The following NIPA1 variants were observed in gnomAD, a reference collection of about 807,000 sequenced individuals.
NIPA1 encodes magnesium transporter NIPA1.
A neutral mutation model predicts 23.9 loss-of-function variants in NIPA1; 13 were observed. The observed-to-expected ratio is 0.54, with a 90% confidence interval of 0.35 to 0.87. The LOEUF is 0.87. Ranked by LOEUF, NIPA1 falls within the 40% of genes least tolerant of loss-of-function variation. The pLI is 0.01. For missense variants in NIPA1, 362 were observed against 429.7 expected (o/e 0.84, Z 1.39); for synonymous variants, 234 against 202.9 (o/e 1.15, Z -1.30).
Position 22,797,583 on chromosome 15 carries a change from G to A in NIPA1, c.178+10749G>A, listed in dbSNP as rs1179700581. Among the ~76,000 whole-genome samples the A allele has an allele frequency of 2.2e-5, 3 of 133,554 alleles. No homozygotes were observed. The East Asian group carries it at 7.0e-4, about 31-fold the overall frequency. 87.6% of individuals were successfully genotyped at this position (133,554 alleles called of 152,430 possible). A position where few individuals can be genotyped will look rare whatever the true frequency, so the allele number is the denominator to read the frequency against. Reference sequence around the variant, plus strand: ...TGCAATGGTGCAATCTCGGCACACTGCAACTTCCACCTCCCGTTCAAGCAG... The same window carrying A: ...TGCAATGGTGCAATCTCGGCACACTACAACTTCCACCTCCCGTTCAAGCAG... On this transcript the variant is annotated intron_variant, in intron 1 of 4. Transcript: ENST00000337435.
At chr15:22,790,095 A>C (rs1894796981) in intron 1 of NIPA1, among the ~76,000 whole-genome samples, 1 of 151,734 alleles carries the variant, frequency 6.6e-6, no homozygotes, top group Non-Finnish European at 1.5e-5. Flanking sequence ...TGCCCTGTCA[A>C]AAGTTTATTT....
rs558450330 is a variant in NIPA1 at position 22,800,843 on chromosome 15, A to G, written c.179-9906A>G. ...CTACTTGGGAGGCTGAGGCAGGAGA[A>G]TGGCGTGAACCCGGGAGGTGGAGCT... is the stretch of plus-strand genomic sequence containing the variant. On this transcript the variant is annotated intron_variant, in intron 1 of 4. Transcript: ENST00000337435. 6.6e-5 allele frequency among the ~76,000 whole-genome samples: 10 copies of G among 151,720 alleles called. 1 individual carries two copies. Among genetic ancestry groups the G allele is most frequent in the Admixed American group, 6.6e-4 (10 of 15,218 alleles).
Position 22,810,926 on chromosome 15 carries a change from A to G in NIPA1, c.226+130A>G, listed in dbSNP as rs999772936. On this transcript the variant is annotated intron_variant, in intron 2 of 4. Transcript: ENST00000337435. ...AGAGGGTGTCGCGTGGCCTCTCCCC[A>G]GGCCCTAAGCGTGCCTTTCAGTTCG... is the stretch of plus-strand genomic sequence containing the variant. 3 of 779,682 alleles carry G rather than the reference A, an allele frequency of 3.8e-6. No individual in the cohort carries two copies. The African/African-American group carries it at 5.1e-5, about 13-fold the overall frequency. 48.3% of individuals were successfully genotyped at this position (779,682 alleles called of 1,614,324 possible).
chr15:22,797,213 TG>T (rs1182280818), intron 1 of NIPA1, among the ~76,000 whole-genome samples: 3 of 81,680 alleles, frequency 3.7e-5, no homozygotes, highest in African/African-American at 1.1e-4. Context: ...CTAATATATT[TG>T]GGTTTTTTTT....
intron 3 of NIPA1, among the ~76,000 whole-genome samples, chr15:22,816,218 CTCACTCTG>C (rs1895414508): frequency 9.0e-6 from 1 of 110,902 alleles, no homozygotes; most frequent in Non-Finnish European, 1.7e-5. Flanking sequence ...GAGACAGAGT[CTCACTCTG>C]TCACCAGGCT....
intron 3 of NIPA1, chr15:22,813,805 CAT>C (rs1207511253): frequency 1.1e-4 from 44 of 412,956 alleles, no homozygotes; most frequent in Middle Eastern, 3.5e-4. Context: ...ACACTGCTAT[CAT>C]GTGTGGCTTG....
Position 22,823,922 on chromosome 15 carries a change from A to G in NIPA1, c.673A>G (p.Arg225Gly), listed in dbSNP as rs764804549. 2.5e-6 allele frequency: 4 copies of G among 1,614,098 alleles called. No individual in the cohort carries two copies. Residue 225 changes from arginine to glycine, a missense_variant, in exon 5 of 5, where the codon AGA (arginine) becomes GGA (glycine). Physicochemically the swap from Arg to Gly is moderately radical, Grantham distance 125 (BLOSUM62 -2). Around this residue, in one of 2 missense-constraint regions of NIPA1, gnomAD observed 277 missense variants for 372.0 expected, o/e 0.74. Transcript: ENST00000337435. The part of the protein sequence containing the change: ...DILHNNPSSQ[R>G]ALCLCLVLLA... ...CTTGCATAACAACCCGTCCAGTCAGAGAGCCCTCTGCCTGTGCCTGGTACT... is the reference window on the plus strand; with the variant it reads ...CTTGCATAACAACCCGTCCAGTCAGGGAGCCCTCTGCCTGTGCCTGGTACT...
At chr15:22,813,162 G>T (rs140542964) in intron 3 of NIPA1, among the ~76,000 whole-genome samples, 2 of 152,050 alleles carry the variant, frequency 1.3e-5, no homozygotes, top group Non-Finnish European at 2.9e-5. Context: ...GCTGGGGGGC[G>T]GTTTGCATGC....
At chr15:22,800,202 TCGCTTTATCTATA>T (rs1217426326) in intron 1 of NIPA1, among the ~76,000 whole-genome samples, 1 of 152,018 alleles carries the variant, frequency 6.6e-6, no homozygotes, top group Non-Finnish European at 1.5e-5. Flanking sequence ...CTCAGCAATT[TCGCTTTATCTATA>T]CCCCAGTGCC....
chr15:22,786,593 C>T, upstream of NIPA1: 2 of 638,322 alleles, frequency 3.1e-6, no homozygotes, highest in South Asian at 6.6e-5. Context: ...CTCCCGGTCA[C>T]CCCCCATCCC....
chr15:22,793,357 C>CAAAAAAAA (rs1163603849), intron 1 of NIPA1, among the ~76,000 whole-genome samples: 1 of 73,100 alleles, frequency 1.4e-5, no homozygotes, highest in Non-Finnish European at 2.5e-5. Context: ...GACTGTGTCT[C>CAAAAAAAA]AAAAAAAAAA....
chr15:22,823,595 C>T (rs914999704), intron 4 of NIPA1, 133 bp from the exon 5 acceptor site: 2 of 809,666 alleles, frequency 2.5e-6, no homozygotes, highest in Non-Finnish European at 4.1e-6. Context: ...AGCCCACATG[C>T]TCCCCAGGGC....
chr15:22,806,453 T>A (rs1895214650), intron 1 of NIPA1, among the ~76,000 whole-genome samples: 1 of 152,138 alleles, frequency 6.6e-6, no homozygotes, highest in African/African-American at 2.4e-5. Context: ...AACTTAGCGA[T>A]CATATCCTCT....
At chr15:22,788,568 C>T (rs1268453567) in intron 1 of NIPA1, among the ~76,000 whole-genome samples, 1 of 150,884 alleles carries the variant, frequency 6.6e-6, no homozygotes, top group Non-Finnish European at 1.5e-5. Flanking sequence ...TCTGAAAGCA[C>T]GTCACAACCA....
rs112703846 is a variant in NIPA1, at chr15:22,804,695, G to A, written c.179-6054G>A. 7.9e-3 allele frequency among the ~76,000 whole-genome samples: 1,195 copies of A among 152,224 alleles called. 11 individuals carry two copies. Among genetic ancestry groups the A allele is most frequent in the African/African-American group, 0.027 (1,103 of 41,516 alleles). ...CCAGTTGGTCCAGCACCATTTGTTG[G>A]AGACTTTTCCATTGAATTGTACTGG... On this transcript the variant is annotated intron_variant, in intron 1 of 4. Transcript: ENST00000337435.
chr15:22,824,400 G>C lies in NIPA1; in HGVS notation c.*161G>C. On this transcript the variant is annotated 3_prime_UTR_variant, in exon 5 of 5. Transcript: ENST00000337435. This position sits in a 1 kb window ranked among gnomAD's most constrained non-coding sequence, Gnocchi z 4.1. The stretch of plus-strand genomic sequence containing the variant: ...GCGGGGAGCATGGCTCAGCACCAGA[G>C]CAGAGGCCCAGCCAGCCCTCTGCAG... 1.4e-6 allele frequency: 1 copy of C among 712,096 alleles called. No individual in the cohort carries two copies. 44.1% of individuals were successfully genotyped at this position (712,096 alleles called of 1,614,324 possible).
intron 1 of NIPA1, among the ~76,000 whole-genome samples, chr15:22,808,249 T>C (rs1300201068): frequency 6.6e-6 from 1 of 152,224 alleles, no homozygotes; most frequent in South Asian, 2.1e-4. Context: ...AAATCTAACA[T>C]TGATTCTGTA....
rs1314889289 is a variant in NIPA1, at chr15:22,786,671, TGCGGCAGCGGCGGCGGCG to T, written c.21_38del (p.Ala11_Ala16del). ...GCGCGGGCGGAATGGGGACTGCAGC[TGCGGCAGCGGCGGCGGCG>T]GCGGCGGCGGCGGCCGGGGAGGGGG... On this transcript the variant is annotated inframe_deletion, in exon 1 of 5. Transcript: ENST00000337435. 19 of 1,065,912 alleles carry T rather than the reference TGCGGCAGCGGCGGCGGCG, an allele frequency of 1.8e-5. No individual in the cohort carries two copies. Among genetic ancestry groups the T allele is most frequent in the Non-Finnish European group, 1.9e-5 (17 of 883,542 alleles). The allele number at this position is 1,065,912 out of a possible 1,614,324, so 66.0% of individuals were successfully genotyped here.
intron 1 of NIPA1, among the ~76,000 whole-genome samples, chr15:22,808,919 C>T (rs1895266975): frequency 1.3e-5 from 2 of 152,032 alleles, no homozygotes; most frequent in Admixed American, 1.3e-4. Flanking sequence ...ATCATCCTGC[C>T]TCAGGCTTCC....
Sources: gnomAD v4.1 joint callset for allele counts (sites outside exome capture counted in the v4.1 genomes callset) on GRCh38, gnomAD v4.1.1 for gene constraint, gnomAD v4.1.1 regional missense constraint, Gnocchi (gnomAD v3.1) non-coding constraint, MANE v1.5 for transcripts, NCBI Gene and HGNC (gene_info 2026-07-23, HGNC 2026-07-21) for gene names.